The following USP25 variants were observed in gnomAD, a reference collection of about 807,000 sequenced individuals.
USP25 encodes the protein ubiquitin specific peptidase 25, also known as ubiquitin carboxyl-terminal hydrolase 25.
In USP25, 85 loss-of-function variants were observed where a neutral mutation model predicts 158.5. The ratio of observed to expected loss-of-function variants is 0.54; its 90% CI spans 0.45 to 0.64. The LOEUF is 0.64. Ranked by LOEUF, USP25 falls within the 30% of genes least tolerant of loss-of-function variation. The probability of loss-of-function intolerance (pLI) is 0.00; values close to 1 mark genes in which losing one functional copy is unlikely to be tolerated. For synonymous variants in USP25, 464 were observed against 460.4 expected, an observed-to-expected ratio of 1.01 and a Z score of -0.10; for missense variants, 1,242 against 1,327.3, an observed-to-expected ratio of 0.94 and a Z score of 1.00.
chr21:15,868,374 T>C (rs2039745411), intron 22 of USP25, among the ~76,000 whole-genome samples: 2 of 152,142 alleles, frequency 1.3e-5, no homozygotes, highest in South Asian at 4.1e-4. Context: ...GCCCTCCACA[T>C]TGATTGAGAG....
intron 1 of USP25, among the ~76,000 whole-genome samples, chr21:15,740,912 T>C (rs1009322501): frequency 1.3e-5 from 2 of 151,984 alleles, no homozygotes; most frequent in African/African-American, 4.8e-5. Flanking sequence ...CTTGACTTTT[T>C]TCAAGTTAAT....
chr21:15,763,497 A>G (rs2123409602), intron 2 of USP25, among the ~76,000 whole-genome samples: 1 of 152,250 alleles, frequency 6.6e-6, no homozygotes, highest in African/African-American at 2.4e-5. Flanking sequence ...TTTTGGTCAT[A>G]TCTTAGTTGG....
chr21:15,756,812 T>G (rs2033407991), intron 1 of USP25, among the ~76,000 whole-genome samples: 1 of 152,098 alleles, frequency 6.6e-6, no homozygotes, highest in South Asian at 2.1e-4. Flanking sequence ...TCTTTGGACG[T>G]TGCATCTTGC....
intron 3 of USP25, among the ~76,000 whole-genome samples, chr21:15,769,984 T>C (rs530877841): frequency 6.6e-6 from 1 of 152,126 alleles, no homozygotes; most frequent in South Asian, 2.1e-4. Flanking sequence ...TTTCTTTTTT[T>C]CTAAAACACC....
intron 1 of USP25, among the ~76,000 whole-genome samples, chr21:15,732,049 C>T (rs2030963888): frequency 6.6e-6 from 1 of 152,164 alleles, no homozygotes; most frequent in South Asian, 2.1e-4. Context: ...TATTAAATAA[C>T]TATGCAGGCT....
chr21:15,755,890 T>C (rs1225789675), intron 1 of USP25, among the ~76,000 whole-genome samples: 2 of 152,048 alleles, frequency 1.3e-5, no homozygotes, highest in African/African-American at 4.8e-5. Flanking sequence ...GCAGGCAATT[T>C]TAGAGGAAGA....
In USP25 at chr21:15,879,567, T is replaced by C. The variant is rs1471162752; in HGVS notation, c.*1092T>C. On this transcript the variant is annotated 3_prime_UTR_variant, in exon 26 of 26. Transcript: ENST00000400183. ...GAACATTTTGTAGATGAAACTACTG[T>C]TTAAGATTAATGAATTAATATTGTG... 6.6e-6 allele frequency: 1 copy of C among 152,530 alleles called. No homozygotes were observed. The highest frequency in any genetic ancestry group is 1.5e-5 in the Non-Finnish European group (1 of 67,976). The allele number at this position is 152,530 out of a possible 1,614,324, so 9.4% of individuals were successfully genotyped here.
In USP25 at chr21:15,874,504, ATTAT is replaced by A; in HGVS notation, c.2988_2991del (p.His996GlnfsTer7). On this transcript the variant is annotated frameshift_variant, in exon 24 of 26. Coordinates refer to ENST00000400183, the MANE Select transcript of USP25 (RefSeq NM_001283041.3). LOFTEE classifies it high-confidence loss of function. Reference sequence around the variant, plus strand: ...GGACATGATGAAGAATTGATATCACATTATAGAAGAGAATGTTTGCTAGTAAGTT... The same window carrying A: ...GGACATGATGAAGAATTGATATCACAAGAAGAGAATGTTTGCTAGTAAGTT... The A allele has an allele frequency of 6.2e-7, 1 of 1,601,768 alleles. No individual in the cohort carries two copies. Among genetic ancestry groups the A allele is most frequent in the Non-Finnish European group, 8.5e-7 (1 of 1,176,704 alleles).
intron 14 of USP25, among the ~76,000 whole-genome samples, chr21:15,827,765 CGTGT>C (rs34923569): frequency 0.021 from 2,872 of 136,840 alleles, 67 homozygotes; most frequent in African/African-American, 0.049. Flanking sequence ...TGTGCGTGTG[CGTGT>C]GTGTGTGTGT....
intron 11 of USP25, among the ~76,000 whole-genome samples, chr21:15,824,431 A>G (rs1011714515): frequency 2.0e-5 from 3 of 152,180 alleles, no homozygotes; most frequent in Non-Finnish European, 4.4e-5. Flanking sequence ...TGTATTATCT[A>G]CCTTACATCT....
chr21:15,866,315 C>A lies in USP25; in HGVS notation c.2776C>A (p.Pro926Thr). 6.3e-7 allele frequency: 1 copy of A among 1,599,638 alleles called. No homozygotes were observed. Among genetic ancestry groups the A allele is most frequent in the Non-Finnish European group, 8.5e-7 (1 of 1,173,204 alleles). Residue 926 changes from proline (P) to threonine (T), a missense_variant, in exon 22 of 26, where the codon CCT (proline) becomes ACT (threonine). Pro to Thr is a conservative substitution (Grantham distance 38). Around this residue, in one of 3 missense-constraint regions of USP25, gnomAD observed 608 missense variants for 605.2 expected, o/e 1.00. Transcript: ENST00000400183. Reference sequence around the variant, plus strand: ...TCAAGCCAAACTGGAAATGATAAAACCTGAAGAAGTAAACTTGGAGGAATA... The same window carrying A: ...TCAAGCCAAACTGGAAATGATAAAAACTGAAGAAGTAAACTTGGAGGAATA... ...VAQAKLEMIK[P>T]EEVNLEEYEE... is the part of the protein sequence containing the mutation.
At chr21:15,737,991 G>A (rs895535004) in intron 1 of USP25, among the ~76,000 whole-genome samples, 6 of 152,038 alleles carry the variant, frequency 3.9e-5, no homozygotes, top group African/African-American at 1.4e-4. Flanking sequence ...TTCAAATTGT[G>A]GAGCATTTCT....
intron 10 of USP25, among the ~76,000 whole-genome samples, chr21:15,822,184 G>A (rs2037270280): frequency 6.6e-6 from 1 of 151,628 alleles, no homozygotes. Flanking sequence ...TTCAAATTAT[G>A]TACTGCTATA....
intron 20 of USP25, among the ~76,000 whole-genome samples, chr21:15,858,921 C>A (rs970193260): frequency 1.3e-5 from 2 of 151,414 alleles, no homozygotes; most frequent in East Asian, 1.9e-4. Flanking sequence ...ACTTGTAAAC[C>A]CTTAATTCTT....
chr21:15,799,785 G>T lies in USP25; in HGVS notation c.584G>T (p.Arg195Ile). The T allele has an allele frequency of 4.4e-6, 7 of 1,600,020 alleles. No homozygotes were observed. The highest frequency in any genetic ancestry group is 1.7e-6 in the Non-Finnish European group (2 of 1,173,306). Residue 195 changes from arginine to isoleucine, a missense_variant, in exon 6 of 26, where the codon AGA becomes ATA. This residue lies in a region of USP25 where 627 missense variants were observed against 701.4 expected (regional missense o/e 0.89). Transcript: ENST00000400183. ...QSLFNLLEFR[R>I]LVLNYKPPSN... ...TTATTTAATCTTTTGGAATTTAGAA[G>T]ATTAGTTCTGAATTACAAGCCTCCA...
chr21:15,764,289 C>G (rs1343957274), intron 2 of USP25, among the ~76,000 whole-genome samples: 1 of 149,518 alleles, frequency 6.7e-6, no homozygotes, highest in African/African-American at 2.5e-5. Flanking sequence ...AGCCTATCAC[C>G]TTGCCAGGGT....
At chr21:15,769,422 G>C (rs1014275751) in intron 3 of USP25, among the ~76,000 whole-genome samples, 1 of 152,036 alleles carries the variant, frequency 6.6e-6, no homozygotes, top group Admixed American at 6.6e-5. Flanking sequence ...CAAATCATTT[G>C]TACTATAATT....
chr21:15,847,753 AAGG>A lies in USP25; in HGVS notation c.2432_2434del (p.Glu811del). Reference sequence around the variant, plus strand: ...TGTAGGGAAATTTATGATTGAATCAAAGGAGGGGGGGTATGATGACGAGGTACC... The same window carrying A: ...TGTAGGGAAATTTATGATTGAATCAAAGGGGGGGTATGATGACGAGGTACC... On this transcript the variant is annotated inframe_deletion, in exon 19 of 26. Coordinates refer to ENST00000400183, the MANE Select transcript of USP25 (RefSeq NM_001283041.3). 6.5e-7 allele frequency: 1 copy of A among 1,549,784 alleles called. No individual in the cohort carries two copies. The highest frequency in any genetic ancestry group is 8.7e-7 in the Non-Finnish European group (1 of 1,146,302).
At position 15,847,791 on chromosome 21, in the gene USP25, C is replaced by T; in HGVS notation, c.2451+15C>T. The T allele has an allele frequency of 6.7e-7, 1 of 1,486,972 alleles. No homozygotes were observed. The highest frequency in any genetic ancestry group is 2.5e-5 in the East Asian group (1 of 40,530). 92.1% of individuals were successfully genotyped at this position (1,486,972 alleles called of 1,614,324 possible). A position where few individuals can be genotyped will look rare whatever the true frequency, so the allele number is the denominator to read the frequency against. ...ATGATGACGAGGTACCTTTTACAGC[C>T]CTCTGCACCATTGCTACTTAACTTT... On this transcript the variant is annotated intron_variant, in intron 19 of 25. Transcript: ENST00000400183.
Sources: gnomAD v4.1 joint callset for allele counts (sites outside exome capture counted in the v4.1 genomes callset) on GRCh38, gnomAD v4.1.1 for gene constraint, gnomAD v4.1.1 regional missense constraint, MANE v1.5 for transcripts, NCBI Gene and HGNC (gene_info 2026-07-23, HGNC 2026-07-21) for gene names.